MAST4: variants seen among roughly 807,000 people sequenced by gnomAD.
MAST4 encodes microtubule-associated serine/threonine-protein kinase 4.
A neutral mutation model predicts 162.7 loss-of-function variants in MAST4; 89 were observed. The observed-to-expected ratio is 0.55, with a 90% confidence interval of 0.46 to 0.65. The LOEUF is 0.65. Among genes scored for constraint, MAST4 ranks in the 30% least tolerant of loss-of-function variants. The pLI is 0.00. For synonymous variants in MAST4, 1,479 were observed against 1,361.1 expected, an observed-to-expected ratio of 1.09 and a Z score of -1.91; for missense variants, 3,153 against 3,374.0, an observed-to-expected ratio of 0.93 and a Z score of 1.62.
chr5:66,938,547 C>T (rs1447643486), intron 4 of MAST4, among the ~76,000 whole-genome samples: 2 of 152,148 alleles, frequency 1.3e-5, no homozygotes, highest in South Asian at 2.1e-4. Flanking sequence ...CAAAGGTCCA[C>T]CAGGCTGTCT....
intron 3 of MAST4, among the ~76,000 whole-genome samples, chr5:66,883,516 C>T (rs1289180204): frequency 2.0e-5 from 3 of 151,136 alleles, no homozygotes; most frequent in African/African-American, 2.4e-5. Flanking sequence ...GCAACCTCCG[C>T]CTCCTGGGTT....
intron 14 of MAST4, among the ~76,000 whole-genome samples, chr5:67,129,155 TG>T (rs1448738221): frequency 6.6e-6 from 1 of 152,166 alleles, no homozygotes; most frequent in African/African-American, 2.4e-5. Context: ...ACCGTGGGTC[TG>T]AGAGAACAGA....
At chr5:67,109,372 T>C (rs1765954302) in intron 10 of MAST4, among the ~76,000 whole-genome samples, 1 of 152,314 alleles carries the variant, frequency 6.6e-6, no homozygotes, top group East Asian at 1.9e-4. Context: ...AAAAATATTC[T>C]ATAAATTTAC....
At chr5:67,031,617 G>C (rs1214930122) in intron 4 of MAST4, among the ~76,000 whole-genome samples, 2 of 152,160 alleles carry the variant, frequency 1.3e-5, no homozygotes, top group Admixed American at 1.3e-4. Context: ...ACTTAGTGAA[G>C]ATTTGTAAAA....
chr5:66,944,057 C>A (rs1743681180), intron 4 of MAST4, among the ~76,000 whole-genome samples: 1 of 152,058 alleles, frequency 6.6e-6, no homozygotes, highest in Non-Finnish European at 1.5e-5. Flanking sequence ...GTGTAAAATT[C>A]CTAGTTTTAA....
intron 3 of MAST4, among the ~76,000 whole-genome samples, chr5:66,818,150 A>C (rs1048196919): frequency 6.6e-6 from 1 of 152,224 alleles, no homozygotes; most frequent in African/African-American, 2.4e-5. Flanking sequence ...CATTTAAATT[A>C]GATATGACTT....
At chr5:66,869,599 G>A (rs1488931006) in intron 3 of MAST4, among the ~76,000 whole-genome samples, 2 of 152,256 alleles carry the variant, frequency 1.3e-5, no homozygotes, top group African/African-American at 2.4e-5. Flanking sequence ...TACTGTGAAC[G>A]CCGAAGCAGT....
chr5:66,861,907 T>C (rs1205665174), intron 3 of MAST4, among the ~76,000 whole-genome samples: 1 of 152,220 alleles, frequency 6.6e-6, no homozygotes, highest in Non-Finnish European at 1.5e-5. Context: ...GTTGTAATGA[T>C]GATTGGTGTG....
intron 4 of MAST4, among the ~76,000 whole-genome samples, chr5:67,052,921 G>T (rs556303737): frequency 6.6e-6 from 1 of 152,198 alleles, no homozygotes; most frequent in East Asian, 1.9e-4. Flanking sequence ...AATTAACACT[G>T]AATACATTAT....
intron 10 of MAST4, among the ~76,000 whole-genome samples, chr5:67,106,924 A>G (rs1765662505): frequency 6.6e-6 from 1 of 152,232 alleles, no homozygotes; most frequent in Non-Finnish European, 1.5e-5. Flanking sequence ...GCATGCCAAA[A>G]TATTCAACCT....
At chr5:67,010,622 C>T (rs544143223) in intron 4 of MAST4, among the ~76,000 whole-genome samples, 4 of 152,204 alleles carry the variant, frequency 2.6e-5, no homozygotes, top group East Asian at 1.9e-4. Flanking sequence ...AAAGATACCC[C>T]GCTTAAGGAG....
intron 1 of MAST4, among the ~76,000 whole-genome samples, chr5:66,738,671 G>A (rs1233396096): frequency 6.6e-6 from 1 of 152,186 alleles, no homozygotes; most frequent in Non-Finnish European, 1.5e-5. Flanking sequence ...TTTAATGCAG[G>A]CCAGCGTAGG....
intron 1 of MAST4, among the ~76,000 whole-genome samples, chr5:66,620,711 G>C (rs10805415): frequency 0.75 from 113,792 of 151,928 alleles, 42,848 homozygotes; most frequent in East Asian, 0.78. Flanking sequence ...TCTTTTTTTC[G>C]TCCTGCCTCT....
chr5:66,640,224 A>G (rs954897825), intron 1 of MAST4, among the ~76,000 whole-genome samples: 4 of 151,946 alleles, frequency 2.6e-5, no homozygotes, highest in African/African-American at 4.8e-5. Context: ...TGTTTTATCC[A>G]TATTGTCACA....
chr5:66,809,252 G>T (rs1179758796), intron 3 of MAST4, among the ~76,000 whole-genome samples: 3 of 152,202 alleles, frequency 2.0e-5, no homozygotes, highest in Non-Finnish European at 4.4e-5. Flanking sequence ...AAGTGGAGCT[G>T]TTCCTTAAGG....
chr5:66,639,829 AT>A (rs1745366063), intron 1 of MAST4, among the ~76,000 whole-genome samples: 1 of 152,140 alleles, frequency 6.6e-6, no homozygotes, highest in Non-Finnish European at 1.5e-5. Flanking sequence ...TTATTTTAAA[AT>A]TTTTATTGTA....
chr5:66,945,673 G>T (rs1003799127), intron 4 of MAST4, among the ~76,000 whole-genome samples: 8 of 152,098 alleles, frequency 5.3e-5, no homozygotes, highest in African/African-American at 1.9e-4. Context: ...ACTCTGATTT[G>T]GTAGGGAAAG....
At chr5:66,828,404 G>A (rs1352389807) in intron 3 of MAST4, among the ~76,000 whole-genome samples, 1 of 152,094 alleles carries the variant, frequency 6.6e-6, no homozygotes, top group Non-Finnish European at 1.5e-5. Context: ...CCCAGTCAGC[G>A]GCTGCCTTTT....
At chr5:66,702,538 GT>G (rs972477827) in intron 1 of MAST4, among the ~76,000 whole-genome samples, 3 of 152,158 alleles carry the variant, frequency 2.0e-5, no homozygotes, top group African/African-American at 7.2e-5. Context: ...AGGCCTTTCG[GT>G]TAGGGTAACA....
Sources: allele counts gnomAD v4.1 joint callset (sites outside exome capture counted in the v4.1 genomes callset), GRCh38; gene constraint gnomAD v4.1.1; transcripts MANE v1.5; gene names NCBI Gene and HGNC (gene_info 2026-07-23, HGNC 2026-07-21).